The following PTPRD variants were observed in gnomAD, a reference collection of about 807,000 sequenced individuals.
The protein encoded by PTPRD is receptor-type tyrosine-protein phosphatase delta.
In PTPRD, 34 loss-of-function variants were observed where a neutral mutation model predicts 214.5. That is an observed-to-expected ratio of 0.16 (90% CI 0.12 to 0.21). The LOEUF is 0.21. Among genes scored for constraint, PTPRD ranks in the 10% least tolerant of loss-of-function variants. PTPRD has a pLI of 1.00. For missense variants in PTPRD, 2,545 were observed against 2,398.7 expected (o/e 1.06, Z -1.27); for synonymous variants, 1,128 against 845.7 (o/e 1.33, Z -5.79).
intron 7 of PTPRD, among the ~76,000 whole-genome samples, chr9:9,691,804 G>A (rs1478199815): frequency 6.6e-6 from 1 of 151,886 alleles, no homozygotes; most frequent in African/African-American, 2.4e-5. Context: ...CCTGTCTTTG[G>A]ACAAAACCCA....
At chr9:10,113,322 G>A (rs1014960701) in intron 3 of PTPRD, among the ~76,000 whole-genome samples, 2 of 152,174 alleles carry the variant, frequency 1.3e-5, no homozygotes, top group African/African-American at 4.8e-5. Context: ...ACAGGGAAGT[G>A]AAGTACCTTT....
rs555444994 is a variant in PTPRD, at chr9:9,703,479, C to T, written c.-287+31054G>A. On this transcript the variant is annotated intron_variant, in intron 7 of 45. Transcript: ENST00000381196. The stretch of plus-strand genomic sequence containing the variant: ...ATTACATTCACCAGGAAGCTTGTTA[C>T]CAAACGCAGAAACTTAGGTTTCACC... Among the ~76,000 whole-genome samples, 5 of 152,226 alleles carry T rather than the reference C, an allele frequency of 3.3e-5. No individual in the cohort carries two copies. In the East Asian group the frequency reaches 9.7e-4, roughly 29 times the overall value.
intron 11 of PTPRD, among the ~76,000 whole-genome samples, chr9:8,897,615 C>G (rs1220394754): frequency 6.6e-6 from 1 of 152,180 alleles, no homozygotes; most frequent in Non-Finnish European, 1.5e-5. Flanking sequence ...GTGGGACATA[C>G]CTCCAGGGGA....
In PTPRD at chr9:8,495,836, G is replaced by A. The variant is rs577177495; in HGVS notation, c.2349+1406C>T. ...ACAAGATTCCCAACAAGAGCCATGT[G>A]CATTGGCAGTAAATATTCATTCAGT... is the stretch of plus-strand genomic sequence containing the variant. On this transcript the variant is annotated intron_variant, in intron 26 of 45. Transcript: ENST00000381196. Among the ~76,000 whole-genome samples the A allele has an allele frequency of 1.1e-4, 17 of 152,290 alleles. No individual in the cohort carries two copies. In the South Asian group the frequency reaches 3.3e-3, roughly 30 times the overall value.
intron 3 of PTPRD, among the ~76,000 whole-genome samples, chr9:10,088,769 T>C (rs1251629789): frequency 6.6e-6 from 1 of 151,714 alleles, no homozygotes; most frequent in African/African-American, 2.4e-5. Context: ...GTAATATACA[T>C]AAGCTGGCCA....
intron 7 of PTPRD, among the ~76,000 whole-genome samples, chr9:9,651,358 A>G (rs566906673): frequency 6.6e-6 from 1 of 152,024 alleles, no homozygotes; most frequent in South Asian, 2.1e-4. Context: ...AAGTCTAGTG[A>G]CCATTAGTTA....
chr9:10,243,586 C>A (rs146419723), intron 3 of PTPRD, among the ~76,000 whole-genome samples: 54 of 152,096 alleles, frequency 3.6e-4, no homozygotes, highest in African/African-American at 1.2e-3. Context: ...ACCCTTCACA[C>A]TGCTACCACA....
intron 32 of PTPRD, among the ~76,000 whole-genome samples, chr9:8,461,335 T>C (rs993978409): frequency 1.3e-5 from 2 of 152,138 alleles, no homozygotes; most frequent in Non-Finnish European, 2.9e-5. Flanking sequence ...TTGTTCTCAA[T>C]AGACAACTGA....
chr9:8,521,579 T>C (rs368350936), intron 19 of PTPRD, 33 bp from the exon 20 acceptor site: 7 of 1,599,848 alleles, frequency 4.4e-6, no homozygotes, highest in African/African-American at 1.3e-5. Context: ...TGATAACATA[T>C]ACAAGGCAAG....
intron 11 of PTPRD, among the ~76,000 whole-genome samples, chr9:8,831,609 G>A (rs1411251785): frequency 6.6e-6 from 1 of 152,116 alleles, no homozygotes; most frequent in African/African-American, 2.4e-5. Context: ...TCCTACAAAT[G>A]TATAATAAAC....
At chr9:9,405,885 T>C (rs1312140848) in intron 8 of PTPRD, among the ~76,000 whole-genome samples, 1 of 152,046 alleles carries the variant, frequency 6.6e-6, no homozygotes, top group Non-Finnish European at 1.5e-5. Flanking sequence ...TTGAGATAAT[T>C]TGTAATTTGC....
intron 3 of PTPRD, among the ~76,000 whole-genome samples, chr9:10,317,136 A>G (rs2096456091): frequency 6.6e-6 from 1 of 151,956 alleles, no homozygotes; most frequent in Non-Finnish European, 1.5e-5. Flanking sequence ...TTTGAGCAAT[A>G]TAGAAACACT....
intron 4 of PTPRD, among the ~76,000 whole-genome samples, chr9:9,955,835 A>C (rs2093881344): frequency 6.6e-6 from 1 of 152,132 alleles, no homozygotes; most frequent in Admixed American, 6.5e-5. Context: ...TTGGGTTCTT[A>C]AGAAAATAAT....
chr9:9,489,902 A>T (rs916772115), intron 8 of PTPRD, among the ~76,000 whole-genome samples: 1 of 152,166 alleles, frequency 6.6e-6, no homozygotes, highest in African/African-American at 2.4e-5. Flanking sequence ...AACATCAAAT[A>T]AGTTCAATGA....
At chr9:9,253,939 A>C (rs1266084839) in intron 9 of PTPRD, among the ~76,000 whole-genome samples, 1 of 152,070 alleles carries the variant, frequency 6.6e-6, no homozygotes, top group African/African-American at 2.4e-5. Flanking sequence ...AGCCTCTGGC[A>C]GTTGCCAGCT....
At chr9:9,477,892 A>G (rs1009774103) in intron 8 of PTPRD, among the ~76,000 whole-genome samples, 50 of 152,220 alleles carry the variant, frequency 3.3e-4, no homozygotes, top group South Asian at 4.1e-4. Flanking sequence ...ATTGAATTTT[A>G]TAACATCTGT....
intron 35 of PTPRD, among the ~76,000 whole-genome samples, chr9:8,420,702 A>C (rs2094294662): frequency 6.6e-6 from 1 of 152,162 alleles, no homozygotes; most frequent in African/African-American, 2.4e-5. Context: ...TGAAGCTGGT[A>C]GTCTTTATGA....
chr9:8,941,437 T>A (rs2099033306), intron 11 of PTPRD, among the ~76,000 whole-genome samples: 1 of 152,126 alleles, frequency 6.6e-6, no homozygotes, highest in Admixed American at 6.5e-5. Context: ...ATAGTGATTT[T>A]AAAAATATTT....
chr9:10,131,002 C>G (rs555875718), intron 3 of PTPRD, among the ~76,000 whole-genome samples: 45 of 152,184 alleles, frequency 3.0e-4, no homozygotes, highest in African/African-American at 1.0e-3. Context: ...AAGCTACCAT[C>G]AAATGCAAGA....
Sources: allele counts gnomAD v4.1 joint callset (sites outside exome capture counted in the v4.1 genomes callset), GRCh38; gene constraint gnomAD v4.1.1; transcripts MANE v1.5; gene names NCBI Gene and HGNC (gene_info 2026-07-23, HGNC 2026-07-21).